The following ERBB4 variants were observed in gnomAD, a reference collection of about 807,000 sequenced individuals.
ERBB4 encodes erb-b2 receptor tyrosine kinase 4.
Under a neutral mutation model 158.0 loss-of-function variants are expected in ERBB4, and 42 were observed. The ratio of observed to expected loss-of-function variants is 0.27; its 90% CI spans 0.21 to 0.34. The LOEUF (loss-of-function observed/expected upper bound fraction) is 0.34, where lower values mean the gene tolerates loss of function less well. Ranked by LOEUF, ERBB4 falls within the 10% of genes least tolerant of loss-of-function variation. ERBB4 has a pLI of 1.00. For missense variants in ERBB4, 1,333 were observed against 1,624.1 expected, an observed-to-expected ratio of 0.82 and a Z score of 3.08; for synonymous variants, 583 against 558.7, an observed-to-expected ratio of 1.04 and a Z score of -0.61.
At chr2:211,696,704 C>T (rs967082467) in intron 12 of ERBB4, among the ~76,000 whole-genome samples, 3 of 151,854 alleles carry the variant, frequency 2.0e-5, no homozygotes, top group Admixed American at 2.0e-4. Context: ...GAATCACTCT[C>T]TGTTGCCCAG....
chr2:211,576,136 C>T (rs925792818), intron 19 of ERBB4, among the ~76,000 whole-genome samples: 1 of 151,782 alleles, frequency 6.6e-6, no homozygotes, highest in African/African-American at 2.4e-5. Context: ...ATAATATTAC[C>T]ACCCACTCAG....
intron 20 of ERBB4, among the ~76,000 whole-genome samples, chr2:211,469,446 G>A (rs928181286): frequency 7.2e-5 from 11 of 152,114 alleles, no homozygotes; most frequent in Non-Finnish European, 1.3e-4. Context: ...CATGAGATAT[G>A]CATGTTTATT....
intron 20 of ERBB4, among the ~76,000 whole-genome samples, chr2:211,559,770 T>C (rs2067335543): frequency 6.6e-6 from 1 of 152,178 alleles, no homozygotes; most frequent in Non-Finnish European, 1.5e-5. Flanking sequence ...TACTCATACA[T>C]ACCTCAGTCA....
chr2:211,954,448 T>TTTTAACA (rs1267132199), intron 2 of ERBB4, among the ~76,000 whole-genome samples: 3 of 151,812 alleles, frequency 2.0e-5, no homozygotes. Flanking sequence ...AAACCTTCTG[T>TTTTAACA]AATCAGTCAA....
At chr2:211,869,171 C>T (rs573870822) in intron 3 of ERBB4, among the ~76,000 whole-genome samples, 49 of 152,312 alleles carry the variant, frequency 3.2e-4, no homozygotes, top group Non-Finnish European at 6.0e-4. Context: ...AGAACGAACT[C>T]TGTATTATCC....
chr2:211,810,859 A>G (rs900101401), intron 3 of ERBB4, among the ~76,000 whole-genome samples: 4 of 151,328 alleles, frequency 2.6e-5, no homozygotes, highest in Admixed American at 2.0e-4. Flanking sequence ...TATTTTTAGT[A>G]GAGACGGGGT....
chr2:211,879,598 AC>A (rs1474814971), intron 3 of ERBB4, among the ~76,000 whole-genome samples: 1 of 152,200 alleles, frequency 6.6e-6, no homozygotes, highest in Non-Finnish European at 1.5e-5. Context: ...TAGGATCTGT[AC>A]CCAAGATTAA....
chr2:212,412,288 AGGTAATTTCCTG>A (rs2091521574), intron 1 of ERBB4, among the ~76,000 whole-genome samples: 1 of 152,174 alleles, frequency 6.6e-6, no homozygotes, highest in Non-Finnish European at 1.5e-5. Context: ...TCATGTTGAA[AGGTAATTTCCTG>A]TGTTGGAGGT....
intron 1 of ERBB4, among the ~76,000 whole-genome samples, chr2:212,335,547 C>T (rs1306097203): frequency 1.3e-5 from 2 of 151,808 alleles, no homozygotes; most frequent in Non-Finnish European, 2.9e-5. Flanking sequence ...TAAGAAGATG[C>T]ATTTTCGTTT....
intron 20 of ERBB4, among the ~76,000 whole-genome samples, chr2:211,454,931 T>C (rs868308115): frequency 2.6e-4 from 39 of 152,344 alleles, no homozygotes; most frequent in Admixed American, 5.2e-4. Flanking sequence ...GCACACAGGA[T>C]GTGCTGTCAA....
chr2:212,487,569 T>C (rs1690044141), intron 1 of ERBB4, among the ~76,000 whole-genome samples: 1 of 151,714 alleles, frequency 6.6e-6, no homozygotes, highest in Non-Finnish European at 1.5e-5. Context: ...TTTTTTTTTT[T>C]CAAAAATTCA....
rs80206542 is a variant in ERBB4, at chr2:211,571,916, G to A, written c.2302-9828C>T. ...AACACGGTAAATAATTTTCCCATAC[G>A]AGCTTGCCTGCTTTACTTTACTATT... On this transcript the variant is annotated intron_variant, in intron 19 of 27. Coordinates refer to ENST00000342788, the MANE Select transcript of ERBB4 (RefSeq NM_005235.3). 5.7e-3 allele frequency among the ~76,000 whole-genome samples: 863 copies of A among 152,078 alleles called. 5 individuals carry two copies. Among genetic ancestry groups the A allele is most frequent in the Non-Finnish European group, 8.4e-3 (574 of 67,982 alleles).
chr2:211,495,311 A>T (rs1295536595), intron 20 of ERBB4, among the ~76,000 whole-genome samples: 1 of 152,146 alleles, frequency 6.6e-6, no homozygotes, highest in Non-Finnish European at 1.5e-5. Flanking sequence ...ATTGTTAAAG[A>T]TAGACTGAAT....
chr2:212,423,324 G>A (rs1432390097), intron 1 of ERBB4, among the ~76,000 whole-genome samples: 1 of 152,148 alleles, frequency 6.6e-6, no homozygotes, highest in Non-Finnish European at 1.5e-5. Flanking sequence ...AAAAGTGACA[G>A]CAGAAGATGC....
chr2:211,965,603 C>G (rs554071408), intron 2 of ERBB4, among the ~76,000 whole-genome samples: 2 of 151,936 alleles, frequency 1.3e-5, no homozygotes, highest in Non-Finnish European at 2.9e-5. Flanking sequence ...TAAGGTAATT[C>G]AAAGCAGAAA....
chr2:211,870,778 G>T (rs919950133), intron 3 of ERBB4, among the ~76,000 whole-genome samples: 5 of 152,020 alleles, frequency 3.3e-5, no homozygotes, highest in African/African-American at 1.2e-4. Context: ...GTGTCTACTT[G>T]TATGAATTTC....
intron 2 of ERBB4, among the ~76,000 whole-genome samples, chr2:212,061,149 C>T (rs917317082): frequency 6.6e-6 from 1 of 151,554 alleles, no homozygotes; most frequent in Non-Finnish European, 1.5e-5. Flanking sequence ...TAACCTCTAC[C>T]AAGTAAATAT....
rs559838149 is a variant in ERBB4, at chr2:211,443,369, A to C, written c.2488-12269T>G. ...AGGCTTACTTGCATATATGTTGCAA[A>C]TTGCTTGCTGAATATTTTTAATTCT... On this transcript the variant is annotated intron_variant, in intron 20 of 27. Transcript: ENST00000342788. Among the ~76,000 whole-genome samples the C allele has an allele frequency of 5.3e-5, 8 of 152,108 alleles. No individual in the cohort carries two copies. In the East Asian group the frequency reaches 1.5e-3, roughly 29 times the overall value.
At chr2:211,765,137 T>C (rs182591336) in intron 4 of ERBB4, among the ~76,000 whole-genome samples, 15 of 152,270 alleles carry the variant, frequency 9.9e-5, no homozygotes, top group Admixed American at 4.6e-4. Context: ...TTCAGTTTTA[T>C]ATGAGAAAAA....
Sources: gnomAD v4.1 joint callset for allele counts (sites outside exome capture counted in the v4.1 genomes callset) on GRCh38, gnomAD v4.1.1 for gene constraint, MANE v1.5 for transcripts, NCBI Gene and HGNC (gene_info 2026-07-23, HGNC 2026-07-21) for gene names.